NAV2: variants seen among roughly 807,000 people sequenced by gnomAD.
NAV2 encodes neuron navigator 2.
Under a neutral mutation model 223.2 loss-of-function variants are expected in NAV2, and 54 were observed. The ratio of observed to expected loss-of-function variants is 0.24; its 90% CI spans 0.19 to 0.30. The LOEUF (loss-of-function observed/expected upper bound fraction) is 0.30. Ranked by LOEUF, NAV2 falls within the 10% of genes least tolerant of loss-of-function variation. The probability of loss-of-function intolerance (pLI) is 1.00; values close to 1 mark genes in which losing one functional copy is unlikely to be tolerated. For missense variants in NAV2, 2,806 were observed against 3,147.5 expected, an observed-to-expected ratio of 0.89 and a Z score of 2.60; for synonymous variants, 1,279 against 1,239.3, an observed-to-expected ratio of 1.03 and a Z score of -0.67.
chr11:20,052,160 A>G (rs1201547220), intron 17 of NAV2, among the ~76,000 whole-genome samples: 3 of 152,244 alleles, frequency 2.0e-5, no homozygotes, highest in African/African-American at 7.2e-5. Flanking sequence ...TGCACTAAGC[A>G]TTAAGTGCTT....
Position 20,048,880 on chromosome 11 carries a change from G to A in NAV2, c.4055G>A (p.Ser1352Asn). 1 of 1,614,186 alleles carries A rather than the reference G, an allele frequency of 6.2e-7. No homozygotes were observed. The highest frequency in any genetic ancestry group is 8.5e-7 in the Non-Finnish European group (1 of 1,180,036). ...SGSGVLSSGS[S>N]SPLYSKNVDL... ...AGTGGCGTCCTGAGCAGTGGGAGCAGCAGTCCTCTCTACAGCAAGAATGTG... is the reference window on the plus strand; with the variant it reads ...AGTGGCGTCCTGAGCAGTGGGAGCAACAGTCCTCTCTACAGCAAGAATGTG... Residue 1352 changes from serine (S) to asparagine (N), a missense_variant, in exon 15 of 38, where the codon AGC (serine) becomes AAC (asparagine). By Grantham distance (46) the Ser-to-Asn change is conservative (BLOSUM62 1). Around this residue, in one of 4 missense-constraint regions of NAV2, gnomAD observed 742 missense variants for 777.9 expected, o/e 0.95. Coordinates refer to ENST00000349880, the MANE Select transcript of NAV2 (RefSeq NM_145117.5).
rs146180515 is a variant in NAV2 at position 20,069,740 on chromosome 11, T to A, written c.4983+1342T>A. Among the ~76,000 whole-genome samples, 5 of 152,312 alleles carry A rather than the reference T, an allele frequency of 3.3e-5. No individual in the cohort carries two copies. The East Asian group carries it at 9.7e-4, about 29-fold the overall frequency. On this transcript the variant is annotated intron_variant, in intron 22 of 37. Transcript: ENST00000349880. ...AAGCAACCTGCATGACCACAGCATG[T>A]CGTTAAAATGGAAACCAACTTCAAG...
At position 19,697,302 on chromosome 11, in the gene NAV2, G is replaced by A. The variant is rs188511827; in HGVS notation, c.76-135182G>A. 5.1e-3 allele frequency among the ~76,000 whole-genome samples: 781 copies of A among 152,296 alleles called. 3 individuals are homozygous for A. The highest frequency in any genetic ancestry group is 7.5e-3 in the Non-Finnish European group (507 of 68,024). Reference sequence around the variant, plus strand: ...ACAGGAGAGGGAGGGAGGTGGGCATGGGCTGAAGAAACACCTGTTGGGTTC... The same window carrying A: ...ACAGGAGAGGGAGGGAGGTGGGCATAGGCTGAAGAAACACCTGTTGGGTTC... On this transcript the variant is annotated intron_variant, in intron 1 of 37. Transcript: ENST00000360655.
At chr11:19,706,361 A>G (rs1204220243) in intron 1 of NAV2, among the ~76,000 whole-genome samples, 1 of 152,234 alleles carries the variant, frequency 6.6e-6, no homozygotes, top group African/African-American at 2.4e-5. Flanking sequence ...CAAGGGTAAA[A>G]GCAAAAAAAT....
At chr11:19,951,009 T>C (rs1175373582) in intron 10 of NAV2, among the ~76,000 whole-genome samples, 2 of 152,198 alleles carry the variant, frequency 1.3e-5, no homozygotes, top group Non-Finnish European at 1.5e-5. Context: ...CTCTCTGTAA[T>C]GGAGGTTTCT....
intron 11 of NAV2, 130 bp from the exon 12 acceptor site, chr11:20,035,829 G>C: frequency 9.6e-7 from 1 of 1,042,012 alleles, no homozygotes; most frequent in Admixed American, 2.4e-5. Context: ...TCTGAGTCAA[G>C]AGAGCTTTGT....
At chr11:19,709,644 G>A (rs2152302958), upstream of NAV2, among the ~76,000 whole-genome samples, 1 of 151,326 alleles carries the variant, frequency 6.6e-6, no homozygotes, top group South Asian at 2.1e-4. Flanking sequence ...AGACCAGCCT[G>A]ACCAATATGA....
intron 1 of NAV2, among the ~76,000 whole-genome samples, chr11:19,442,265 G>A (rs1293211191): frequency 6.6e-6 from 1 of 152,258 alleles, no homozygotes; most frequent in Non-Finnish European, 1.5e-5. Context: ...AAGGGGGCTG[G>A]CCTGGCAAGA....
chr11:19,921,004 G>A (rs1304927115), intron 6 of NAV2, among the ~76,000 whole-genome samples: 3 of 152,178 alleles, frequency 2.0e-5, no homozygotes, highest in Non-Finnish European at 4.4e-5. Context: ...ATTTAGGTGA[G>A]TAAAGCTAGT....
chr11:19,495,751 A>G (rs1006682574), intron 1 of NAV2, among the ~76,000 whole-genome samples: 3 of 152,150 alleles, frequency 2.0e-5, no homozygotes, highest in African/African-American at 4.8e-5. Flanking sequence ...ACATATTTTT[A>G]TGTGTAATTT....
chr11:19,669,739 T>G (rs1049854071), intron 1 of NAV2, among the ~76,000 whole-genome samples: 1 of 152,272 alleles, frequency 6.6e-6, no homozygotes, highest in East Asian at 1.9e-4. Flanking sequence ...CCCTATCCAG[T>G]TCCCTTTCCT....
At chr11:19,351,518 G>A (rs1022248282) in intron 1 of NAV2, among the ~76,000 whole-genome samples, 1 of 152,120 alleles carries the variant, frequency 6.6e-6, no homozygotes, top group African/African-American at 2.4e-5. Flanking sequence ...CATTTAAAAT[G>A]GCCTGTTGAG....
intron 1 of NAV2, among the ~76,000 whole-genome samples, chr11:19,717,633 G>C (rs1014619868): frequency 1.3e-5 from 2 of 152,332 alleles, no homozygotes; most frequent in African/African-American, 4.8e-5. Flanking sequence ...AAAGAACAAA[G>C]GCTTTGCAGC....
intron 1 of NAV2, among the ~76,000 whole-genome samples, chr11:19,636,078 GC>G (rs1428227787): frequency 2.6e-5 from 4 of 152,146 alleles, no homozygotes; most frequent in African/African-American, 7.2e-5. Flanking sequence ...GTTTTCACAA[GC>G]CTGAATCTCA....
intron 9 of NAV2, among the ~76,000 whole-genome samples, chr11:19,947,964 G>T (rs2047063915): frequency 6.6e-6 from 1 of 152,122 alleles, no homozygotes; most frequent in African/African-American, 2.4e-5. Context: ...CCACCCTTAG[G>T]AAAAGAAGGC....
At chr11:19,348,790 A>C (rs569533562), upstream of NAV2, among the ~76,000 whole-genome samples, 1 of 152,186 alleles carries the variant, frequency 6.6e-6, no homozygotes, top group Non-Finnish European at 1.5e-5. Context: ...GAGAAAACTG[A>C]GATTGGGATT....
At chr11:19,430,010 A>G (rs1850983829) in intron 1 of NAV2, among the ~76,000 whole-genome samples, 1 of 152,212 alleles carries the variant, frequency 6.6e-6, no homozygotes, top group Admixed American at 6.5e-5. Flanking sequence ...TCAATTTCAC[A>G]TTCAGTTTAC....
chr11:20,043,123 C>A (rs77859009), intron 12 of NAV2, among the ~76,000 whole-genome samples: 1 of 152,180 alleles, frequency 6.6e-6, no homozygotes, highest in Non-Finnish European at 1.5e-5. Context: ...TTTGAGGATG[C>A]GCTTCCCCTC....
chr11:20,075,759 C>T (rs1269088668), intron 22 of NAV2, among the ~76,000 whole-genome samples: 4 of 152,050 alleles, frequency 2.6e-5, no homozygotes, highest in South Asian at 4.1e-4. Flanking sequence ...TCACAGTGCA[C>T]GGCAAAAGCA....
Sources: allele counts gnomAD v4.1 joint callset (sites outside exome capture counted in the v4.1 genomes callset), GRCh38; gene constraint gnomAD v4.1.1; regional missense constraint gnomAD v4.1.1; transcripts MANE v1.5; gene names NCBI Gene and HGNC (gene_info 2026-07-23, HGNC 2026-07-21).